FAM110B: variants seen among roughly 807,000 people sequenced by gnomAD.
The protein encoded by FAM110B is family with sequence similarity 110 member B.
FAM110B carries 6 observed loss-of-function variants against 20.4 expected under a neutral mutation model. The ratio of observed to expected loss-of-function variants is 0.29; its 90% CI spans 0.16 to 0.58. FAM110B has a LOEUF of 0.58. Ranked by LOEUF, FAM110B falls within the 20% of genes least tolerant of loss-of-function variation. The probability of loss-of-function intolerance (pLI) is 0.90; values close to 1 mark genes in which losing one functional copy is unlikely to be tolerated. For missense variants in FAM110B, 434 were observed against 498.2 expected (o/e 0.87, Z 1.23); for synonymous variants, 226 against 214.1 (o/e 1.06, Z -0.49).
chr8:58,087,488 A>G (rs1318132970), intron 3 of FAM110B, among the ~76,000 whole-genome samples: 1 of 152,232 alleles, frequency 6.6e-6, no homozygotes, highest in Non-Finnish European at 1.5e-5. Context: ...AGAGCATCAG[A>G]GAAAAGGGAC....
chr8:57,999,637 A>G (rs1563492562), intron 1 of FAM110B, among the ~76,000 whole-genome samples: 1 of 152,228 alleles, frequency 6.6e-6, no homozygotes, highest in African/African-American at 2.4e-5. Context: ...ATATTGATAG[A>G]GGACGTATTG....
chr8:58,024,936 A>G (rs1036981212), intron 1 of FAM110B, among the ~76,000 whole-genome samples: 4 of 152,210 alleles, frequency 2.6e-5, no homozygotes, highest in African/African-American at 7.2e-5. Flanking sequence ...CTCACCTTCT[A>G]TCTTCTGTAG....
chr8:58,108,215 A>G (rs2150616875), intron 3 of FAM110B, among the ~76,000 whole-genome samples: 1 of 152,384 alleles, frequency 6.6e-6, no homozygotes. Flanking sequence ...TGATTGAGCA[A>G]CAAGATGCCA....
intron 1 of FAM110B, among the ~76,000 whole-genome samples, chr8:58,014,680 A>G (rs905184851): frequency 6.6e-6 from 1 of 152,206 alleles, no homozygotes; most frequent in Non-Finnish European, 1.5e-5. Flanking sequence ...ACATACATGT[A>G]TGTTTTCCCT....
intron 3 of FAM110B, among the ~76,000 whole-genome samples, chr8:58,119,444 T>G (rs1807300445): frequency 6.6e-6 from 1 of 152,186 alleles, no homozygotes; most frequent in African/African-American, 2.4e-5. Context: ...ATGAGACTGA[T>G]GCCCTCATGA....
chr8:58,035,764 A>T (rs986291695), intron 2 of FAM110B, among the ~76,000 whole-genome samples: 1 of 152,236 alleles, frequency 6.6e-6, no homozygotes, highest in Admixed American at 6.5e-5. Context: ...TTGTAGTGGG[A>T]GTAACATGTG....
intron 3 of FAM110B, among the ~76,000 whole-genome samples, chr8:58,116,404 C>G (rs1366778184): frequency 1.3e-5 from 2 of 152,138 alleles, no homozygotes; most frequent in Admixed American, 1.3e-4. Flanking sequence ...CATCTCCTTC[C>G]TCCCATGCCA....
In FAM110B at chr8:58,133,632, G is replaced by C. The variant is rs543111021; in HGVS notation, c.-324-12275G>C. ...GGAGGAGATTCCAGGAGAGAGCGCAGAATGTGGAGGCAGGCATCAGAGAGC... is the reference window on the plus strand; with the variant it reads ...GGAGGAGATTCCAGGAGAGAGCGCACAATGTGGAGGCAGGCATCAGAGAGC... On this transcript the variant is annotated intron_variant, in intron 3 of 3. Coordinates refer to ENST00000519262, the MANE Select transcript of FAM110B (RefSeq NM_001377989.1). Among the ~76,000 whole-genome samples the C allele has an allele frequency of 1.2e-4, 19 of 152,328 alleles. No homozygotes were observed. The East Asian group carries it at 3.5e-3, about 28-fold the overall frequency.
intron 1 of FAM110B, among the ~76,000 whole-genome samples, chr8:58,000,367 T>A (rs951734559): frequency 2.0e-5 from 3 of 152,250 alleles, no homozygotes; most frequent in Admixed American, 6.5e-5. Flanking sequence ...TGATATCACA[T>A]CTCATTGTAA....
chr8:58,144,043 G>A (rs1296612494), intron 3 of FAM110B, among the ~76,000 whole-genome samples: 1 of 152,200 alleles, frequency 6.6e-6, no homozygotes, highest in African/African-American at 2.4e-5. Flanking sequence ...AAGGAATCTT[G>A]TCCAACTAAC....
At chr8:58,112,439 T>C (rs1248433786) in intron 3 of FAM110B, among the ~76,000 whole-genome samples, 4 of 152,248 alleles carry the variant, frequency 2.6e-5, no homozygotes, top group African/African-American at 9.6e-5. Context: ...TACAGCCCCT[T>C]GTATAAAGCA....
At chr8:58,038,797 T>G (rs988301775) in intron 2 of FAM110B, among the ~76,000 whole-genome samples, 1 of 151,984 alleles carries the variant, frequency 6.6e-6, no homozygotes, top group Non-Finnish European at 1.5e-5. Context: ...TGCATCAAAT[T>G]ATATTAAAAG....
intron 1 of FAM110B, among the ~76,000 whole-genome samples, chr8:58,024,941 C>A (rs1320980741): frequency 6.6e-6 from 1 of 152,200 alleles, no homozygotes; most frequent in Non-Finnish European, 1.5e-5. Flanking sequence ...CTTCTATCTT[C>A]TGTAGACTTA....
intron 1 of FAM110B, among the ~76,000 whole-genome samples, chr8:57,995,945 T>A (rs1804177531): frequency 6.6e-6 from 1 of 152,238 alleles, no homozygotes; most frequent in African/African-American, 2.4e-5. Context: ...GCAGTATGGA[T>A]AGTAGGACTT....
chr8:58,069,629 T>G (rs1335113771), intron 2 of FAM110B, among the ~76,000 whole-genome samples: 1 of 152,228 alleles, frequency 6.6e-6, no homozygotes, highest in Non-Finnish European at 1.5e-5. Flanking sequence ...AGATTATGAT[T>G]TTTGACACCT....
chr8:58,083,228 T>C (rs1806247265), intron 3 of FAM110B, among the ~76,000 whole-genome samples: 1 of 152,116 alleles, frequency 6.6e-6, no homozygotes, highest in South Asian at 2.1e-4. Context: ...AGACACAGTC[T>C]ATTGCTGGAG....
chr8:58,092,257 T>A (rs1323802020), intron 3 of FAM110B, among the ~76,000 whole-genome samples: 2 of 152,232 alleles, frequency 1.3e-5, no homozygotes, highest in African/African-American at 2.4e-5. Flanking sequence ...TTTATTTTTT[T>A]AATTTTACTC....
At chr8:58,085,760 A>C (rs1806317694) in intron 3 of FAM110B, among the ~76,000 whole-genome samples, 1 of 152,174 alleles carries the variant, frequency 6.6e-6, no homozygotes, top group Non-Finnish European at 1.5e-5. Flanking sequence ...TGACCCTGTT[A>C]TGAAGTGTGC....
At chr8:58,118,950 ATTAC>A (rs941973323) in intron 3 of FAM110B, among the ~76,000 whole-genome samples, 20 of 152,208 alleles carry the variant, frequency 1.3e-4, no homozygotes, top group Non-Finnish European at 2.5e-4. Flanking sequence ...TTATTCTTAT[ATTAC>A]TTCAAACATT....
Sources: allele counts gnomAD v4.1 joint callset (sites outside exome capture counted in the v4.1 genomes callset), GRCh38; gene constraint gnomAD v4.1.1; transcripts MANE v1.5; gene names NCBI Gene and HGNC (gene_info 2026-07-23, HGNC 2026-07-21).